Variants in RNF144A observed in about 807,000 individuals in gnomAD.
RNF144A encodes ring finger protein 144A.
A neutral mutation model predicts 38.7 loss-of-function variants in RNF144A; 11 were observed. The observed-to-expected ratio is 0.28, with a 90% CI of 0.18 to 0.47. RNF144A has a LOEUF of 0.47. Ranked by LOEUF, RNF144A falls within the 20% of genes least tolerant of loss-of-function variation. The pLI, the probability that RNF144A is intolerant of heterozygous loss-of-function variation, is 0.99. For missense variants in RNF144A, 316 were observed against 377.2 expected (o/e 0.84, Z 1.34); for synonymous variants, 149 against 143.9 (o/e 1.04, Z -0.25).
chr2:6,942,153 T>A (rs1482266177), intron 2 of RNF144A, among the ~76,000 whole-genome samples: 1 of 152,194 alleles, frequency 6.6e-6, no homozygotes, highest in Non-Finnish European at 1.5e-5. Flanking sequence ...CAGGAGACCA[T>A]CTCAGAGGAC....
intron 2 of RNF144A, among the ~76,000 whole-genome samples, chr2:6,955,668 T>A (rs1282043168): frequency 1.3e-5 from 2 of 152,208 alleles, no homozygotes; most frequent in Admixed American, 1.3e-4. Flanking sequence ...CCAGCCAGAC[T>A]TGCCCTGTCT....
Position 6,991,693 on chromosome 2 carries a change from C to T in RNF144A, c.-11-5223C>T, listed in dbSNP as rs573246186. On this transcript the variant is annotated intron_variant, in intron 2 of 8. Transcript: ENST00000320892. ...CTATCAAAGTCTCAGAGTCATTGTG[C>T]AGAGAAATGAAGTAGTATATGCAAA... is the stretch of plus-strand genomic sequence containing the variant. 5.9e-5 allele frequency among the ~76,000 whole-genome samples: 9 copies of T among 152,050 alleles called. 1 individual carries two copies. The South Asian group carries it at 6.2e-4, about 10-fold the overall frequency.
intron 1 of RNF144A, among the ~76,000 whole-genome samples, chr2:6,940,052 T>G (rs1665868743): frequency 6.6e-6 from 1 of 152,204 alleles, no homozygotes; most frequent in Non-Finnish European, 1.5e-5. Context: ...TGGATTTCTG[T>G]GTGAATTTTA....
intron 6 of RNF144A, among the ~76,000 whole-genome samples, chr2:7,052,018 C>T (rs1168977839): frequency 6.6e-6 from 1 of 152,144 alleles, no homozygotes; most frequent in Non-Finnish European, 1.5e-5. Flanking sequence ...CTTAGTCCAT[C>T]TTAATTAGAA....
At chr2:7,001,043 T>TA (rs1311332231) in intron 3 of RNF144A, among the ~76,000 whole-genome samples, 1 of 152,162 alleles carries the variant, frequency 6.6e-6, no homozygotes, top group Non-Finnish European at 1.5e-5. Flanking sequence ...CTCATGTCTG[T>TA]AATCCTAGCA....
downstream of RNF144A, among the ~76,000 whole-genome samples, chr2:7,068,806 T>A (rs150773268): frequency 6.6e-6 from 1 of 152,210 alleles, no homozygotes; most frequent in African/African-American, 2.4e-5. Flanking sequence ...AATGTGGAGA[T>A]GGCCATTACG....
chr2:7,025,484 G>A (rs1322191562), intron 7 of RNF144A, among the ~76,000 whole-genome samples: 1 of 152,092 alleles, frequency 6.6e-6, no homozygotes, highest in Non-Finnish European at 1.5e-5. Flanking sequence ...GACCAGCCTG[G>A]GCAACATGGT....
rs1667379453 is a variant in RNF144A at position 6,962,038 on chromosome 2, G to A, written c.-12+20891G>A. On this transcript the variant is annotated intron_variant, in intron 2 of 8. Transcript: ENST00000320892. This position sits in a 1 kb window ranked among gnomAD's most constrained non-coding sequence, Gnocchi z 4.1. ...GGTTGACAGTGGAAGTTTAATAGGT[G>A]AAAGAAAGAGAATAGCTCTCCGCTA... 2.0e-5 allele frequency among the ~76,000 whole-genome samples: 3 copies of A among 152,300 alleles called. No homozygotes were observed. In the South Asian group the frequency reaches 6.2e-4, roughly 32 times the overall value.
chr2:6,994,148 G>A (rs982397096), intron 2 of RNF144A, among the ~76,000 whole-genome samples: 8 of 152,118 alleles, frequency 5.3e-5, no homozygotes, highest in South Asian at 2.1e-4. Flanking sequence ...TTCCCCAACA[G>A]CCCGACAGAA....
At chr2:6,937,843 T>G (rs969080143) in intron 1 of RNF144A, among the ~76,000 whole-genome samples, 1 of 152,142 alleles carries the variant, frequency 6.6e-6, no homozygotes, top group Non-Finnish European at 1.5e-5. Flanking sequence ...GCAAAAAAAT[T>G]AGCATCCTCA....
intron 2 of RNF144A, among the ~76,000 whole-genome samples, chr2:6,986,807 A>G (rs1412822766): frequency 6.6e-6 from 1 of 152,130 alleles, no homozygotes; most frequent in Non-Finnish European, 1.5e-5. Flanking sequence ...GGTGAGGGGC[A>G]GGGTTGCTGT....
chr2:6,971,799 A>G lies in RNF144A; in HGVS notation c.-11-25117A>G, dbSNP rs577999833. Reference sequence around the variant, plus strand: ...GGCATGGATTCAACTCCCAGTTTCCAGTGACCTAAGCCTGCTTCTCTGCTT... The same window carrying G: ...GGCATGGATTCAACTCCCAGTTTCCGGTGACCTAAGCCTGCTTCTCTGCTT... On this transcript the variant is annotated intron_variant, in intron 2 of 8. Coordinates refer to ENST00000320892, the MANE Select transcript of RNF144A (RefSeq NM_014746.6). Among the ~76,000 whole-genome samples the G allele has an allele frequency of 3.9e-5, 6 of 152,272 alleles. No individual in the cohort carries two copies. The East Asian group carries it at 7.7e-4, about 20-fold the overall frequency.
chr2:6,956,269 C>T (rs1666989976), intron 2 of RNF144A, among the ~76,000 whole-genome samples: 1 of 151,856 alleles, frequency 6.6e-6, no homozygotes, highest in South Asian at 2.1e-4. Flanking sequence ...ATAAGGTGCA[C>T]AGTTATAGCC....
At chr2:7,059,140 G>A (rs1673857405) in intron 6 of RNF144A, among the ~76,000 whole-genome samples, 2 of 152,244 alleles carry the variant, frequency 1.3e-5, no homozygotes, top group African/African-American at 4.8e-5. Context: ...GAGGTCAAGA[G>A]ATCGAGACCA....
chr2:7,064,121 T>C (rs1674095890), intron 6 of RNF144A, among the ~76,000 whole-genome samples: 1 of 152,148 alleles, frequency 6.6e-6, no homozygotes, highest in Non-Finnish European at 1.5e-5. Context: ...TATTAATTAG[T>C]TTATGAGGGT....
intron 3 of RNF144A, among the ~76,000 whole-genome samples, chr2:7,010,361 T>C (rs1670717639): frequency 6.6e-6 from 1 of 152,192 alleles, no homozygotes; most frequent in Admixed American, 6.5e-5. Context: ...CATGGGGCTT[T>C]TGCTGCTTCA....
At chr2:6,942,168 G>A (rs1283371048) in intron 2 of RNF144A, among the ~76,000 whole-genome samples, 1 of 152,168 alleles carries the variant, frequency 6.6e-6, no homozygotes, top group East Asian at 1.9e-4. Context: ...GAGGACATTG[G>A]AGAGAGTGAA....
At chr2:6,934,651 T>C (rs1235406532) in intron 1 of RNF144A, among the ~76,000 whole-genome samples, 1 of 152,222 alleles carries the variant, frequency 6.6e-6, no homozygotes, top group Non-Finnish European at 1.5e-5. Context: ...TCCCAGCCTA[T>C]TTTTTCCCCA....
chr2:7,041,847 T>C lies in RNF144A; in HGVS notation c.*2087T>C, dbSNP rs1673064101. The C allele has an allele frequency of 1.0e-6, 1 of 985,498 alleles. No individual in the cohort carries two copies. The highest frequency in any genetic ancestry group is 1.2e-6 in the Non-Finnish European group (1 of 829,978). The allele number at this position is 985,498 out of a possible 1,614,324, so 61.0% of individuals were successfully genotyped here. A position where few individuals can be genotyped will look rare whatever the true frequency, so the allele number is the denominator to read the frequency against. On this transcript the variant is annotated 3_prime_UTR_variant, in exon 9 of 9. Transcript: ENST00000320892. ...TGAGAGTCAGAGCCTTTGGAAAGGC[T>C]GCATCCCCAGGGCTAGAGCTCAGAT...
Sources: allele counts gnomAD v4.1 joint callset (sites outside exome capture counted in the v4.1 genomes callset), GRCh38; gene constraint gnomAD v4.1.1; non-coding constraint Gnocchi (gnomAD v3.1); transcripts MANE v1.5; gene names NCBI Gene and HGNC (gene_info 2026-07-23, HGNC 2026-07-21).